The following ZNF747 variants were observed in gnomAD, a reference collection of about 807,000 sequenced individuals.
ZNF747 encodes the protein zinc finger protein 747, also known as KRAB domain-containing protein ZNF747.
Under a neutral mutation model 13.4 loss-of-function variants are expected in ZNF747, and 14 were observed. The ratio of observed to expected loss-of-function variants is 1.04; its 90% confidence interval spans 0.69 to 1.63. ZNF747 has a LOEUF of 1.63. ZNF747 is among the 40% of genes most tolerant of loss of function. The pLI is 0.00. For synonymous variants in ZNF747, 212 were observed against 206.5 expected (o/e 1.03, Z -0.23); for missense variants, 532 against 477.9 (o/e 1.11, Z -1.05).
In ZNF747 at chr16:30,534,196, C is replaced by T; in HGVS notation, c.343+1G>A. 3 of 1,610,598 alleles carry T rather than the reference C, an allele frequency of 1.9e-6. No individual in the cohort carries two copies. The highest frequency in any genetic ancestry group is 2.2e-5 in the East Asian group (1 of 44,696). ...ATGGGACTGAGCACCCGATACTCCA[C>T]CTGGGTCCGCTTCTGTCGGACACTT... On this transcript the variant is annotated splice_donor_variant, in intron 2 of 2. Transcript: ENST00000693075. LOFTEE classifies it high-confidence loss of function.
rs781566093 is a variant in ZNF747 at position 30,532,486 on chromosome 16, AC to A, written c.*12del. The stretch of plus-strand genomic sequence containing the variant: ...GGCCGCCCACAATGTCTAGATGGTC[AC>A]TTTTTAGGCCGTCACCCACATTCCT... On this transcript the variant is annotated 3_prime_UTR_variant, in exon 3 of 3. Coordinates refer to ENST00000693075, the MANE Select transcript of ZNF747 (RefSeq NM_001305018.2). 6.3e-7 allele frequency: 1 copy of A among 1,597,448 alleles called. No individual in the cohort carries two copies. The highest frequency in any genetic ancestry group is 2.3e-5 in the East Asian group (1 of 44,272).
At position 30,531,476 on chromosome 16, in the gene ZNF747, G is replaced by GT. The variant is rs1375921547; in HGVS notation, c.*1022dup. 1.1e-4 allele frequency: 17 copies of GT among 152,190 alleles called. No individual in the cohort carries two copies. The highest frequency in any genetic ancestry group is 3.6e-4 in the African/African-American group (15 of 41,448). 9.4% of individuals were successfully genotyped at this position (152,190 alleles called of 1,614,324 possible). A position where few individuals can be genotyped will look rare whatever the true frequency, so the allele number is the denominator to read the frequency against. ...GGCGAGATCCAATACAGGGTCACTG[G>GT]TTTTTTAGGTTGTGCAGCAAAAAGA... On this transcript the variant is annotated 3_prime_UTR_variant, in exon 3 of 3. Transcript: ENST00000693075.
intron 2 of ZNF747, among the ~76,000 whole-genome samples, chr16:30,533,751 T>TTA (rs775988585): frequency 5.5e-5 from 6 of 109,844 alleles, no homozygotes; most frequent in African/African-American, 2.1e-4. Context: ...TTTTTTTAAT[T>TTA]AAAAAAAAAA....
chr16:30,534,571 C>T lies in ZNF747; in HGVS notation c.109G>A (p.Val37Met), dbSNP rs758709492. 3.1e-6 allele frequency: 5 copies of T among 1,604,596 alleles called. No individual in the cohort carries two copies. The highest frequency in any genetic ancestry group is 3.4e-6 in the Non-Finnish European group (4 of 1,176,610). Residue 37 changes from valine to methionine, a missense_variant, in exon 1 of 3, where the codon GTG becomes ATG. Physicochemically the swap from Val to Met is conservative, Grantham distance 21 (BLOSUM62 1). Transcript: ENST00000693075. Reference sequence around the variant, plus strand: ...TACACGGCCACGTCGGCGAAGCTCACGGCCCCGGGCTTTCTCCACTCGGAT... The same window carrying T: ...TACACGGCCACGTCGGCGAAGCTCATGGCCCCGGGCTTTCTCCACTCGGAT... ...AGSEWRKPGA[V>M]SFADVAVYFS...
At chr16:30,534,371 C>G in intron 1 of ZNF747, 61 bp from the exon 2 acceptor site, 1 of 1,555,400 alleles carries the variant, frequency 6.4e-7, no homozygotes, top group Non-Finnish European at 8.7e-7. Context: ...CCCCGGGGCC[C>G]CCAACTCCAC....
rs2051388433 is a variant in ZNF747, at chr16:30,532,461, G to A, written c.*38C>T. 1.3e-6 allele frequency: 2 copies of A among 1,566,040 alleles called. No individual in the cohort carries two copies. The highest frequency in any genetic ancestry group is 1.2e-5 in the South Asian group (1 of 85,852). The stretch of plus-strand genomic sequence containing the variant: ...GGTTCGGGCCCCTGAGCCCATCTCG[G>A]GCCGCCCACAATGTCTAGATGGTCA... On this transcript the variant is annotated 3_prime_UTR_variant, in exon 3 of 3. Transcript: ENST00000693075.
Position 30,534,557 on chromosome 16 carries a change from G to A in ZNF747, c.123C>T (p.Asp41=), listed in dbSNP as rs766948414. The part of the protein sequence containing the change: ...WRKPGAVSFA[D]VAVYFSREEW... ...CCTCCCGGGAGAAGTACACGGCCAC[G>A]TCGGCGAAGCTCACGGCCCCGGGCT... Residue 41 remains aspartate (D), a synonymous_variant, in exon 1 of 3, where the codon GAC becomes GAT. Coordinates refer to ENST00000693075, the MANE Select transcript of ZNF747 (RefSeq NM_001305018.2). 14 of 1,607,100 alleles carry A rather than the reference G, an allele frequency of 8.7e-6. No homozygotes were observed. The East Asian group carries it at 1.8e-4, about 21-fold the overall frequency.
Position 30,532,508 on chromosome 16 carries a change from T to C in ZNF747, c.987A>G (p.Glu329=), listed in dbSNP as rs775771479. ...GFQLYPEIFQ[E]CG ...GTCACTTTTTAGGCCGTCACCCACA[T>C]TCCTGGAATATCTCTGGATACAGCT... is the stretch of plus-strand genomic sequence containing the variant. Residue 329 remains glutamate (E), a synonymous_variant, in exon 3 of 3, where the codon GAA becomes GAG. Transcript: ENST00000693075. 1.2e-6 allele frequency: 2 copies of C among 1,604,552 alleles called. No individual in the cohort carries two copies. The highest frequency in any genetic ancestry group is 1.1e-5 in the South Asian group (1 of 89,658).
chr16:30,534,842 A>T lies in ZNF747; in HGVS notation c.-163T>A, dbSNP rs1318403539. Reference sequence around the variant, plus strand: ...GCGAGTCCATGGTCAGAACTGGACGATGTCTTCAAATAAAACGGCGGCAGC... The same window carrying T: ...GCGAGTCCATGGTCAGAACTGGACGTTGTCTTCAAATAAAACGGCGGCAGC... On this transcript the variant is annotated 5_prime_UTR_variant, in exon 1 of 3. Coordinates refer to ENST00000693075, the MANE Select transcript of ZNF747 (RefSeq NM_001305018.2). 1 of 1,096,558 alleles carries T rather than the reference A, an allele frequency of 9.1e-7. No individual in the cohort carries two copies. Among genetic ancestry groups the T allele is most frequent in the Non-Finnish European group, 1.2e-6 (1 of 803,978 alleles). The allele number at this position is 1,096,558 out of a possible 1,614,324, so 67.9% of individuals were successfully genotyped here.
At position 30,532,897 on chromosome 16, in the gene ZNF747, G is replaced by C. The variant is rs774526650; in HGVS notation, c.598C>G (p.His200Asp). The part of the protein sequence containing the change: ...SFAWRSTLVE[H>D]IYSHRGEKPF... ...TTCTCGCCCCTGTGGCTGTAAATGTGCTCCACCAGTGTGGAGCGCCAGGCG... is the reference window on the plus strand; with the variant it reads ...TTCTCGCCCCTGTGGCTGTAAATGTCCTCCACCAGTGTGGAGCGCCAGGCG... The change falls in exon 3 of 3, where the codon CAC (histidine) becomes GAC (aspartate). Residue 200 changes from histidine to aspartate, a missense_variant. By Grantham distance (81) the His-to-Asp change is moderately conservative. Transcript: ENST00000693075. 2.5e-6 allele frequency: 4 copies of C among 1,600,504 alleles called. No homozygotes were observed. In the South Asian group the frequency reaches 3.3e-5, roughly 13 times the overall value.
chr16:30,534,480 C>T lies in ZNF747; in HGVS notation c.200G>A (p.Arg67Gln). The T allele has an allele frequency of 2.5e-6, 4 of 1,605,156 alleles. No individual in the cohort carries two copies. The highest frequency in any genetic ancestry group is 1.1e-5 in the South Asian group (1 of 89,820). Residue 67 changes from arginine (R) to glutamine (Q), a missense_variant, in exon 1 of 3, where the codon CGG becomes CAG. Transcript: ENST00000693075. ...CGCGCCCAGGTGGCCGTAGGTCTCC[C>T]GCATCACGTCCCGGTACAGGGCCCT... The part of the protein sequence containing the change: ...AQRALYRDVM[R>Q]ETYGHLGALG...
rs763807489 is a variant in ZNF747, at chr16:30,534,566, G to A, written c.114C>T (p.Ser38=). Residue 38 remains serine (S), a synonymous_variant, in exon 1 of 3, where the codon AGC becomes AGT. Coordinates refer to ENST00000693075, the MANE Select transcript of ZNF747 (RefSeq NM_001305018.2). ...AGAAGTACACGGCCACGTCGGCGAA[G>A]CTCACGGCCCCGGGCTTTCTCCACT... ...GSEWRKPGAV[S]FADVAVYFSR... 5.0e-6 allele frequency: 8 copies of A among 1,605,740 alleles called. No individual in the cohort carries two copies. The African/African-American group carries it at 1.1e-4, about 21-fold the overall frequency.
Position 30,534,819 on chromosome 16 carries a change from G to C in ZNF747, c.-140C>G, listed in dbSNP as rs1262029649. On this transcript the variant is annotated 5_prime_UTR_variant, in exon 1 of 3. Coordinates refer to ENST00000693075, the MANE Select transcript of ZNF747 (RefSeq NM_001305018.2). ...ATGGAAACTAAGGGCCGATGGCTGC[G>C]AGTCCATGGTCAGAACTGGACGATG... 31 of 1,277,442 alleles carry C rather than the reference G, an allele frequency of 2.4e-5. No homozygotes were observed. The highest frequency in any genetic ancestry group is 3.1e-5 in the Non-Finnish European group (30 of 956,484). The allele number at this position is 1,277,442 out of a possible 1,614,324, so 79.1% of individuals were successfully genotyped here.
Position 30,534,688 on chromosome 16 carries a change from G to A in ZNF747, c.-9C>T. On this transcript the variant is annotated 5_prime_UTR_variant, in exon 1 of 3. Coordinates refer to ENST00000693075, the MANE Select transcript of ZNF747 (RefSeq NM_001305018.2). ...AGCGACGGATCGGTCATCTCCCCTG[G>A]CCAGGCCTGGGCATGCGGAACCTCC... 6.6e-7 allele frequency: 1 copy of A among 1,518,608 alleles called. No individual in the cohort carries two copies. The highest frequency in any genetic ancestry group is 2.4e-5 in the East Asian group (1 of 40,980). The allele number at this position is 1,518,608 out of a possible 1,614,324, so 94.1% of individuals were successfully genotyped here.
Position 30,532,545 on chromosome 16 carries a change from G to A in ZNF747, c.950C>T (p.Pro317Leu). 1 of 1,596,502 alleles carries A rather than the reference G, an allele frequency of 6.3e-7. No homozygotes were observed. The highest frequency in any genetic ancestry group is 2.3e-5 in the East Asian group (1 of 44,048). ...CTCTGGATACAGCTGGAAGCCCACA[G>A]GCGGGTCCAGGTCCCCGCGGACAGG... ...LTPVRGDLDP[P>L]VGFQLYPEIF... Residue 317 changes from proline (P) to leucine (L), a missense_variant, in exon 3 of 3, where the codon CCT becomes CTT. Transcript: ENST00000693075.
chr16:30,534,762 T>G lies in ZNF747; in HGVS notation c.-83A>C. 1 of 1,445,394 alleles carries G rather than the reference T, an allele frequency of 6.9e-7. No individual in the cohort carries two copies. Among genetic ancestry groups the G allele is most frequent in the Non-Finnish European group, 9.1e-7 (1 of 1,103,724 alleles). 89.5% of individuals were successfully genotyped at this position (1,445,394 alleles called of 1,614,324 possible). ...CCCGGTACCAAGGGAAGGAGGGACG[T>G]CAGTAGAGCCCCCGAAGGCCCACTA... On this transcript the variant is annotated 5_prime_UTR_variant, in exon 1 of 3. Transcript: ENST00000693075.
In ZNF747 at chr16:30,534,269, C is replaced by T; in HGVS notation, c.271G>A (p.Glu91Lys). ...GCCGGATCCCACAGTTCGGCCTTCT[C>T]CTCCACCCAGGAGATGAGCGCCGGC... ...SKPALISWVE[E>K]KAELWDPAAQ... Residue 91 changes from glutamate to lysine, a missense_variant, in exon 2 of 3, where the codon GAG becomes AAG. Glu to Lys is a moderately conservative substitution (Grantham distance 56). Transcript: ENST00000693075. 6.3e-7 allele frequency: 1 copy of T among 1,597,440 alleles called. No individual in the cohort carries two copies. The highest frequency in any genetic ancestry group is 8.5e-7 in the Non-Finnish European group (1 of 1,172,490).
At position 30,534,305 on chromosome 16, in the gene ZNF747, C is replaced by G; in HGVS notation, c.235G>C (p.Gly79Arg). The change falls in exon 2 of 3, where the codon GGA (glycine) becomes CGA (arginine). Residue 79 changes from glycine to arginine, a missense_variant. Coordinates refer to ENST00000693075, the MANE Select transcript of ZNF747 (RefSeq NM_001305018.2). ...GAGATGAGCGCCGGCTTGCTGCCTC[C>G]GACTCCTGGGGGAGAAGAACGCAAA... ...TYGHLGALGV[G>R]GSKPALISWV... 1 of 1,573,708 alleles carries G rather than the reference C, an allele frequency of 6.4e-7. No individual in the cohort carries two copies. The highest frequency in any genetic ancestry group is 8.6e-7 in the Non-Finnish European group (1 of 1,160,078).
Position 30,532,487 on chromosome 16 carries a change from C to T in ZNF747, c.*12G>A, listed in dbSNP as rs761331154. On this transcript the variant is annotated 3_prime_UTR_variant, in exon 3 of 3. Coordinates refer to ENST00000693075, the MANE Select transcript of ZNF747 (RefSeq NM_001305018.2). Reference sequence around the variant, plus strand: ...GCCGCCCACAATGTCTAGATGGTCACTTTTTAGGCCGTCACCCACATTCCT... The same window carrying T: ...GCCGCCCACAATGTCTAGATGGTCATTTTTTAGGCCGTCACCCACATTCCT... The T allele has an allele frequency of 7.5e-6, 12 of 1,597,960 alleles. No homozygotes were observed. The highest frequency in any genetic ancestry group is 1.0e-5 in the Non-Finnish European group (12 of 1,174,440).
Sources: gnomAD v4.1 joint callset for allele counts (sites outside exome capture counted in the v4.1 genomes callset) on GRCh38, gnomAD v4.1.1 for gene constraint, MANE v1.5 for transcripts, NCBI Gene and HGNC (gene_info 2026-07-23, HGNC 2026-07-21) for gene names.